Variants in ASB3 observed in about 807,000 individuals in gnomAD.
The protein encoded by ASB3 is ankyrin repeat and SOCS box containing 3.
A neutral mutation model predicts 54.5 loss-of-function variants in ASB3; 41 were observed. The observed-to-expected ratio is 0.75, with a 90% CI of 0.59 to 0.98. The LOEUF is 0.98. Ranked by LOEUF, ASB3 falls within the 50% of genes least tolerant of loss-of-function variation. ASB3 has a pLI of 0.00. For synonymous variants in ASB3, 266 were observed against 221.2 expected (o/e 1.20, Z -1.80); for missense variants, 733 against 620.0 (o/e 1.18, Z -1.94).
chr2:53,700,702 T>C (rs1669440898), intron 7 of ASB3, among the ~76,000 whole-genome samples, 174 bp from the exon 8 acceptor site: 1 of 152,112 alleles, frequency 6.6e-6, no homozygotes, highest in African/African-American at 2.4e-5. Context: ...GGCTTTTGCT[T>C]TTTACACCCT....
chr2:53,683,079 A>G (rs1473676959), intron 9 of ASB3, among the ~76,000 whole-genome samples: 1 of 152,072 alleles, frequency 6.6e-6, no homozygotes, highest in Admixed American at 6.5e-5. Flanking sequence ...AGCTTCAAGT[A>G]TTTCCCCCTT....
At chr2:53,776,317 A>G (rs1258497625) in intron 1 of ASB3, among the ~76,000 whole-genome samples, 1 of 152,178 alleles carries the variant, frequency 6.6e-6, no homozygotes, top group Non-Finnish European at 1.5e-5. Context: ...AATTTATTAA[A>G]TTTCTAATTT....
At chr2:53,697,887 G>T (rs931056520) in intron 8 of ASB3, among the ~76,000 whole-genome samples, 1 of 152,136 alleles carries the variant, frequency 6.6e-6, no homozygotes, top group Non-Finnish European at 1.5e-5. Context: ...CGCCCCTATG[G>T]CTTTGCTCAG....
intron 2 of ASB3, among the ~76,000 whole-genome samples, chr2:53,762,642 T>G (rs1415964732): frequency 6.6e-6 from 1 of 152,222 alleles, no homozygotes; most frequent in African/African-American, 2.4e-5. Flanking sequence ...AATGACTTAT[T>G]ATTGAATGGC....
At chr2:53,706,301 A>G (rs367811135) in intron 7 of ASB3, among the ~76,000 whole-genome samples, 82 of 152,360 alleles carry the variant, frequency 5.4e-4, no homozygotes, top group South Asian at 2.1e-3. Flanking sequence ...TTATTGATTC[A>G]TTAATTCACA....
chr2:53,729,571 C>G lies in ASB3; in HGVS notation c.356-1G>C, dbSNP rs751346352. On this transcript the variant is annotated splice_acceptor_variant, in intron 3 of 9. Coordinates refer to ENST00000263634, the MANE Select transcript of ASB3 (RefSeq NM_016115.5). LOFTEE classifies it high-confidence loss of function. ...ACATCTATCTGTCCATTTTCAACAG[C>G]TGTAATACAGCAGTTAGAAAAATTA... is the stretch of plus-strand genomic sequence containing the variant. The G allele has an allele frequency of 9.3e-6, 15 of 1,613,342 alleles. No individual in the cohort carries two copies. Among genetic ancestry groups the G allele is most frequent in the Non-Finnish European group, 1.2e-5 (14 of 1,179,460 alleles).
chr2:53,759,882 G>A (rs1407363295), intron 2 of ASB3, among the ~76,000 whole-genome samples: 1 of 152,030 alleles, frequency 6.6e-6, no homozygotes, highest in Admixed American at 6.6e-5. Context: ...ACCAGCCCAC[G>A]CCATCACCCT....
chr2:53,778,134 G>C (rs984881660), intron 1 of ASB3, among the ~76,000 whole-genome samples: 7 of 129,298 alleles, frequency 5.4e-5, no homozygotes, highest in Non-Finnish European at 7.8e-5. Context: ...GCGCAACAGA[G>C]CAGGATTCTT....
intron 2 of ASB3, among the ~76,000 whole-genome samples, chr2:53,762,358 G>C (rs543987820): frequency 1.3e-5 from 2 of 152,280 alleles, no homozygotes; most frequent in Admixed American, 6.5e-5. Flanking sequence ...ACCACTTAGA[G>C]GTTAAAAAAC....
At chr2:53,687,574 A>G (rs1668695205) in intron 9 of ASB3, among the ~76,000 whole-genome samples, 1 of 152,202 alleles carries the variant, frequency 6.6e-6, no homozygotes, top group South Asian at 2.1e-4. Context: ...ATTTAGCTTT[A>G]TTAACTCTAT....
chr2:53,768,323 T>C (rs1305318919), intron 1 of ASB3: 1 of 280,234 alleles, frequency 3.6e-6, no homozygotes, highest in African/African-American at 2.2e-5. Flanking sequence ...TCCATCTCTC[T>C]GCAACCTCTG....
intron 1 of ASB3, chr2:53,768,045 CACTT>C (rs1456750713): frequency 4.3e-6 from 7 of 1,610,712 alleles, no homozygotes; most frequent in Non-Finnish European, 5.9e-6. Flanking sequence ...CAGCTCCCCA[CACTT>C]ACTGCCCCCT....
At chr2:53,757,092 G>A (rs1431436946) in intron 2 of ASB3, among the ~76,000 whole-genome samples, 3 of 152,174 alleles carry the variant, frequency 2.0e-5, no homozygotes, top group African/African-American at 7.2e-5. Flanking sequence ...GGACCCCCCA[G>A]TAACATTTTG....
intron 7 of ASB3, among the ~76,000 whole-genome samples, chr2:53,713,211 C>T (rs1467642045): frequency 6.6e-6 from 1 of 152,066 alleles, no homozygotes; most frequent in Non-Finnish European, 1.5e-5. Context: ...TAGTGAACTA[C>T]TAATTTTACA....
chr2:53,750,973 G>T, intron 2 of ASB3, 32 bp from the exon 3 acceptor site: 1 of 1,453,248 alleles, frequency 6.9e-7, no homozygotes, highest in Non-Finnish European at 9.1e-7. Flanking sequence ...TCAACTAGAA[G>T]GTATTACTTC....
At chr2:53,759,555 G>A (rs1280777069) in intron 2 of ASB3, among the ~76,000 whole-genome samples, 1 of 152,094 alleles carries the variant, frequency 6.6e-6, no homozygotes, top group Non-Finnish European at 1.5e-5. Context: ...AGATCAGGAG[G>A]AGCAGGCAGA....
At position 53,700,253 on chromosome 2, in the gene ASB3, T is replaced by C. The variant is rs2103763631; in HGVS notation, c.1238+18A>G. On this transcript the variant is annotated intron_variant, in intron 8 of 9. Transcript: ENST00000263634. ...TTCACTCAAAAAGGGTAAGCCCGAC[T>C]ATGGTAGAATTTCTTACCAAGAATT... The C allele has an allele frequency of 6.2e-7, 1 of 1,607,318 alleles. No homozygotes were observed. Among genetic ancestry groups the C allele is most frequent in the East Asian group, 2.2e-5 (1 of 44,790 alleles).
In ASB3 at chr2:53,714,414, C is replaced by T. The variant is rs749350778; in HGVS notation, c.950G>A (p.Ser317Asn). The T allele has an allele frequency of 1.9e-6, 3 of 1,614,196 alleles. No homozygotes were observed. The highest frequency in any genetic ancestry group is 2.5e-6 in the Non-Finnish European group (3 of 1,180,012). ...DAQACLVFGF[S>N]SPVCMAFQKD... is the part of the protein sequence containing the mutation. ...TTGGAAAGCCATGCACACAGGAGAA[C>T]TGAATCCAAAAACAAGGCACGCCTG... Residue 317 changes from serine (S) to asparagine (N), a missense_variant, in exon 7 of 10, where the codon AGT becomes AAT. Coordinates refer to ENST00000263634, the MANE Select transcript of ASB3 (RefSeq NM_016115.5).
intron 9 of ASB3, among the ~76,000 whole-genome samples, chr2:53,677,768 A>G (rs1668158338): frequency 6.6e-6 from 1 of 152,332 alleles, no homozygotes. Context: ...ACATTGAGAA[A>G]AAAAAATCAC....
Sources: allele counts gnomAD v4.1 joint callset (sites outside exome capture counted in the v4.1 genomes callset), GRCh38; gene constraint gnomAD v4.1.1; transcripts MANE v1.5; gene names NCBI Gene and HGNC (gene_info 2026-07-23, HGNC 2026-07-21).